Variants in RNF43 observed in about 807,000 individuals in gnomAD.
The protein encoded by RNF43 is ring finger protein 43.
A neutral mutation model predicts 78.4 loss-of-function variants in RNF43; 37 were observed. The ratio of observed to expected loss-of-function variants is 0.47; its 90% CI spans 0.36 to 0.62. The LOEUF is 0.62. Among genes scored for constraint, RNF43 ranks in the 20% least tolerant of loss-of-function variants. The probability of loss-of-function intolerance (pLI) is 0.00; values close to 1 mark genes in which losing one functional copy is unlikely to be tolerated. For synonymous variants in RNF43, 347 were observed against 395.0 expected (o/e 0.88, Z 1.44); for missense variants, 774 against 1,007.9 (o/e 0.77, Z 3.14).
chr17:58,358,242 T>G lies in RNF43; in HGVS notation c.1534A>C (p.Ser512Arg), dbSNP rs773576996. 1 of 1,613,722 alleles carries G rather than the reference T, an allele frequency of 6.2e-7. No homozygotes were observed. Among genetic ancestry groups the G allele is most frequent in the African/African-American group, 1.3e-5 (1 of 74,868 alleles). ...SSDFDPLVYC[S>R]PKGDPQRVDM... is the part of the protein sequence containing the mutation. ...ACTCGCTGGGGATCCCCTTTAGGGC[T>G]GCAGTACACTAGGGGGTCAAAGTCA... Residue 512 changes from serine (S) to arginine (R), a missense_variant, in exon 9 of 10, where the codon AGC becomes CGC. Ser to Arg is a moderately radical substitution (Grantham distance 110). Transcript: ENST00000407977. The surrounding 1 kb of genome is among the most constrained non-coding windows in gnomAD (Gnocchi z 6.2).
At chr17:58,401,608 A>G (rs1468263978) in intron 2 of RNF43, among the ~76,000 whole-genome samples, 1 of 152,238 alleles carries the variant, frequency 6.6e-6, no homozygotes, top group East Asian at 1.9e-4. Context: ...ATCCTATTCC[A>G]TACCCTGAAG....
At chr17:58,416,196 T>C (rs966980876) in intron 1 of RNF43, 3 of 155,746 alleles carry the variant, frequency 1.9e-5, no homozygotes, top group African/African-American at 7.2e-5. Flanking sequence ...GATGCTACAA[T>C]ATGTATTTAG....
intron 2 of RNF43, 127 bp from the exon 3 acceptor site, chr17:58,371,160 C>G: frequency 2.2e-6 from 2 of 928,544 alleles, no homozygotes; most frequent in Non-Finnish European, 3.0e-6. Context: ...AAAGAGTAGG[C>G]CTTATGATTG....
At chr17:58,406,213 T>C (rs927153630) in intron 2 of RNF43, among the ~76,000 whole-genome samples, 1 of 152,234 alleles carries the variant, frequency 6.6e-6, no homozygotes, top group African/African-American at 2.4e-5. Context: ...TGCGGCAGTC[T>C]ATATCTTCTT....
In RNF43 at chr17:58,415,558, A is replaced by G. The variant is rs1974107283; in HGVS notation, c.20T>C (p.Leu7Pro). 6.2e-7 allele frequency: 1 copy of G among 1,608,602 alleles called. No individual in the cohort carries two copies. The change falls in exon 2 of 10, where the codon CTG becomes CCG. Residue 7 changes from leucine (L) to proline (P), a missense_variant. Transcript: ENST00000407977. MSGGHQ[L>P]QLAALWPWLL... ...CCAGGGCCAGAGGGCAGCCAGCTGC[A>G]GCTGGTGGCCACCACTCATGCTACC...
Position 58,358,411 on chromosome 17 carries a change from A to C in RNF43, c.1365T>G (p.Ser455Arg), listed in dbSNP as rs2143414588. ...TGGCTGGCCCATCTGCCAGGTACCCACTGCGTTCTGTGCAATAGCTTTCTC... is the reference window on the plus strand; with the variant it reads ...TGGCTGGCCCATCTGCCAGGTACCCCCTGCGTTCTGTGCAATAGCTTTCTC... ...GSGESYCTER[S>R]GYLADGPASD... Residue 455 changes from serine (S) to arginine (R), a missense_variant, in exon 9 of 10, where the codon AGT becomes AGG. Transcript: ENST00000407977. This position sits in a 1 kb window ranked among gnomAD's most constrained non-coding sequence, Gnocchi z 6.2. 1 of 1,614,110 alleles carries C rather than the reference A, an allele frequency of 6.2e-7. No individual in the cohort carries two copies. The highest frequency in any genetic ancestry group is 8.5e-7 in the Non-Finnish European group (1 of 1,180,014).
intron 2 of RNF43, among the ~76,000 whole-genome samples, chr17:58,402,975 A>G (rs916399755): frequency 6.6e-6 from 1 of 151,480 alleles, no homozygotes; most frequent in African/African-American, 2.4e-5. Flanking sequence ...AGAGTCAAAC[A>G]TTGGTTTAAA....
At chr17:58,382,837 G>C (rs535886558) in intron 2 of RNF43, among the ~76,000 whole-genome samples, 37 of 152,338 alleles carry the variant, frequency 2.4e-4, no homozygotes, top group African/African-American at 8.4e-4. Flanking sequence ...ACAGAGCACA[G>C]CACATAAACA....
chr17:58,417,528 A>G lies in RNF43; in HGVS notation c.-897T>C, dbSNP rs1974152264. Reference sequence around the variant, plus strand: ...CCTTTCAGAAAGACAATTCTGGATCAACTCCCTAGAGCAGGAAGCCTGTGG... The same window carrying G: ...CCTTTCAGAAAGACAATTCTGGATCGACTCCCTAGAGCAGGAAGCCTGTGG... On this transcript the variant is annotated 5_prime_UTR_variant, in exon 1 of 10. Transcript: ENST00000407977. 1 of 152,202 alleles carries G rather than the reference A, an allele frequency of 6.6e-6. No individual in the cohort carries two copies. Among genetic ancestry groups the G allele is most frequent in the Non-Finnish European group, 1.5e-5 (1 of 68,044 alleles). 9.4% of individuals were successfully genotyped at this position (152,202 alleles called of 1,614,324 possible).
At chr17:58,400,654 A>G (rs1055714602) in intron 2 of RNF43, among the ~76,000 whole-genome samples, 1 of 152,250 alleles carries the variant, frequency 6.6e-6, no homozygotes, top group Non-Finnish European at 1.5e-5. Flanking sequence ...AGATTAAAAT[A>G]CAAGTCTACT....
At chr17:58,394,608 A>G (rs747038028) in intron 2 of RNF43, among the ~76,000 whole-genome samples, 1 of 152,240 alleles carries the variant, frequency 6.6e-6, no homozygotes, top group Non-Finnish European at 1.5e-5. Flanking sequence ...CTATGCTTAG[A>G]GGTCTTACTT....
chr17:58,396,702 T>C (rs574604573), intron 2 of RNF43, among the ~76,000 whole-genome samples: 1 of 152,204 alleles, frequency 6.6e-6, no homozygotes, highest in African/African-American at 2.4e-5. Flanking sequence ...CTCTAAAGGA[T>C]TGAAAATAAG....
chr17:58,362,110 CAA>C (rs987939955), intron 6 of RNF43, among the ~76,000 whole-genome samples: 2 of 125,838 alleles, frequency 1.6e-5, no homozygotes, highest in African/African-American at 5.9e-5. Flanking sequence ...AACAAACAAA[CAA>C]AAAAAAACCT....
At chr17:58,353,190 TTTC>T (rs1417198611), downstream of RNF43, 8 of 213,244 alleles carry the variant, frequency 3.8e-5, no homozygotes, top group African/African-American at 1.4e-4. Flanking sequence ...CCGGGCGGGC[TTTC>T]TTCTTGTTGG....
Position 58,358,687 on chromosome 17 carries a change from C to A in RNF43, c.1089G>T (p.Arg363=), listed in dbSNP as rs2143424462. 6.5e-7 allele frequency: 1 copy of A among 1,533,016 alleles called. No homozygotes were observed. The highest frequency in any genetic ancestry group is 8.8e-7 in the Non-Finnish European group (1 of 1,138,652). 95.0% of individuals were successfully genotyped at this position (1,533,016 alleles called of 1,614,324 possible). ...GTCGTGGGGGCCGAGCCACTGCACT[C>A]CGGGAAGGGCCCAACAGGTAGGCAG... ...LPAAYLLGPS[R]SAVARPPRPG... Residue 363 remains arginine, a synonymous_variant, in exon 9 of 10, where the codon CGG becomes CGT. Coordinates refer to ENST00000407977, the MANE Select transcript of RNF43 (RefSeq NM_017763.6). This position sits in a 1 kb window ranked among gnomAD's most constrained non-coding sequence, Gnocchi z 6.2.
At chr17:58,406,030 G>T (rs1006210294) in intron 2 of RNF43, among the ~76,000 whole-genome samples, 2 of 152,284 alleles carry the variant, frequency 1.3e-5, no homozygotes, top group African/African-American at 4.8e-5. Flanking sequence ...AGGTGATATT[G>T]CTCTGAGAAG....
Position 58,358,805 on chromosome 17 carries a change from T to C in RNF43, c.971A>G (p.Gln324Arg). The C allele has an allele frequency of 1.3e-6, 2 of 1,514,976 alleles. No homozygotes were observed. The highest frequency in any genetic ancestry group is 1.3e-5 in the South Asian group (1 of 77,916). The allele number at this position is 1,514,976 out of a possible 1,614,324, so 93.8% of individuals were successfully genotyped here. The change falls in exon 9 of 10, where the codon CAG becomes CGG. Residue 324 changes from glutamine to arginine, a missense_variant. Transcript: ENST00000407977. The surrounding 1 kb of genome is among the most constrained non-coding windows in gnomAD (Gnocchi z 6.2). ...GTAAGATCGAGAGGGTCCCAGGGAC[T>C]GGGAAAATGAATCTCCCTCTGGAAA... is the stretch of plus-strand genomic sequence containing the variant. ...FNITEGDSFSQSLGPSRSYQE... is the reference protein window; with the variant it reads ...FNITEGDSFSRSLGPSRSYQE...
intron 2 of RNF43, among the ~76,000 whole-genome samples, chr17:58,372,292 C>T (rs1191912326): frequency 6.6e-6 from 1 of 152,190 alleles, no homozygotes; most frequent in African/African-American, 2.4e-5. Flanking sequence ...TAACTATCTA[C>T]TACCTTGCTT....
At position 58,357,185 on chromosome 17, in the gene RNF43, C is replaced by T. The variant is rs1330855422; in HGVS notation, c.2308+283G>A. 3 of 702,278 alleles carry T rather than the reference C, an allele frequency of 4.3e-6. No homozygotes were observed. In the East Asian group the frequency reaches 8.1e-5, roughly 19 times the overall value. The allele number at this position is 702,278 out of a possible 1,614,324, so 43.5% of individuals were successfully genotyped here. On this transcript the variant is annotated intron_variant, in intron 9 of 9. Transcript: ENST00000407977. This position sits in a 1 kb window ranked among gnomAD's most constrained non-coding sequence, Gnocchi z 4.5. ...CTGGGATTACAGGCATGAGCCATCA[C>T]ACCCGGCCTTCCAAGTGCCTTTCTG...
Sources: gnomAD v4.1 joint callset for allele counts (sites outside exome capture counted in the v4.1 genomes callset) on GRCh38, gnomAD v4.1.1 for gene constraint, Gnocchi (gnomAD v3.1) non-coding constraint, MANE v1.5 for transcripts, NCBI Gene and HGNC (gene_info 2026-07-23, HGNC 2026-07-21) for gene names.